SUMF1: variants seen among roughly 807,000 people sequenced by gnomAD.
SUMF1 encodes formylglycine-generating enzyme.
A neutral mutation model predicts 47.6 loss-of-function variants in SUMF1; 48 were observed. The ratio of observed to expected loss-of-function variants is 1.01; its 90% confidence interval spans 0.80 to 1.28. The LOEUF is 1.28. Ranked by LOEUF, SUMF1 falls within the 50% of genes most tolerant of loss-of-function variation. The pLI is 0.00. For missense variants in SUMF1, 571 were observed against 485.4 expected (o/e 1.18, Z -1.66); for synonymous variants, 230 against 192.1 (o/e 1.20, Z -1.63).
At chr3:4,195,186 A>G (rs1377208010) in intron 8 of SUMF1, among the ~76,000 whole-genome samples, 1 of 152,118 alleles carries the variant, frequency 6.6e-6, no homozygotes, top group African/African-American at 2.4e-5. Flanking sequence ...AATTTGAAAC[A>G]TATCATATTT....
chr3:4,173,286 A>T (rs1406290995), intron 8 of SUMF1, among the ~76,000 whole-genome samples: 1 of 152,168 alleles, frequency 6.6e-6, no homozygotes, highest in Non-Finnish European at 1.5e-5. Flanking sequence ...GTTTGAAGTC[A>T]CATCACAGGT....
At chr3:4,345,516 C>A (rs1045507428) in intron 8 of SUMF1, among the ~76,000 whole-genome samples, 1 of 152,176 alleles carries the variant, frequency 6.6e-6, no homozygotes, top group Admixed American at 6.5e-5. Context: ...GCCTGCCCTG[C>A]AAGAGCTCCT....
intron 1 of SUMF1, among the ~76,000 whole-genome samples, chr3:4,456,526 A>G (rs2079605107): frequency 6.9e-6 from 1 of 144,082 alleles, no homozygotes; most frequent in South Asian, 2.1e-4. Context: ...ATCTCGGCTC[A>G]CTGCAAACTC....
chr3:4,252,805 G>A (rs908439720), intron 8 of SUMF1, among the ~76,000 whole-genome samples: 2 of 152,100 alleles, frequency 1.3e-5, no homozygotes, highest in Non-Finnish European at 2.9e-5. Flanking sequence ...CAAATGGTCT[G>A]ACTCAGTGAA....
chr3:4,286,389 C>T (rs1231515715), intron 8 of SUMF1, among the ~76,000 whole-genome samples: 1 of 152,084 alleles, frequency 6.6e-6, no homozygotes, highest in Non-Finnish European at 1.5e-5. Context: ...TCTTCTAATA[C>T]AGCACAAAAG....
intron 8 of SUMF1, among the ~76,000 whole-genome samples, chr3:4,264,612 C>T (rs1348168279): frequency 1.3e-5 from 2 of 152,102 alleles, no homozygotes; most frequent in African/African-American, 4.8e-5. Context: ...TTTTAAAGTG[C>T]TTTTCTTCTG....
At chr3:4,466,006 C>T (rs1436168732) in intron 1 of SUMF1, among the ~76,000 whole-genome samples, 1 of 152,218 alleles carries the variant, frequency 6.6e-6, no homozygotes, top group Non-Finnish European at 1.5e-5. Flanking sequence ...AGAAGGAGCA[C>T]TAGTTTAGGA....
At chr3:4,303,675 C>T (rs1262004704) in intron 8 of SUMF1, 7 of 1,489,550 alleles carry the variant, frequency 4.7e-6, no homozygotes, top group Non-Finnish European at 5.4e-6. Context: ...GGTGTGCATG[C>T]CCCGGCCTGG....
intron 3 of SUMF1, among the ~76,000 whole-genome samples, chr3:4,433,109 T>C (rs1277310242): frequency 6.6e-6 from 1 of 152,186 alleles, no homozygotes; most frequent in African/African-American, 2.4e-5. Context: ...AAGCTAGACA[T>C]CCCTCAGCAT....
intron 8 of SUMF1, among the ~76,000 whole-genome samples, chr3:4,207,297 C>T (rs1230837869): frequency 6.6e-6 from 1 of 152,048 alleles, no homozygotes; most frequent in Non-Finnish European, 1.5e-5. Flanking sequence ...TACTTCTTAC[C>T]TTTCAATATG....
chr3:4,306,738 C>G (rs1051336859), intron 8 of SUMF1, among the ~76,000 whole-genome samples: 1 of 152,242 alleles, frequency 6.6e-6, no homozygotes, highest in Non-Finnish European at 1.5e-5. Context: ...CAAACCCTGC[C>G]TTCACAGGCA....
At chr3:4,194,837 T>C (rs1346636115) in intron 8 of SUMF1, among the ~76,000 whole-genome samples, 1 of 152,152 alleles carries the variant, frequency 6.6e-6, no homozygotes, top group African/African-American at 2.4e-5. Context: ...TTTCGAACAA[T>C]GTTATTTACT....
At chr3:4,160,297 T>C (rs1233559357) in intron 8 of SUMF1, among the ~76,000 whole-genome samples, 1 of 152,050 alleles carries the variant, frequency 6.6e-6, no homozygotes. Context: ...TGGGGTGCAG[T>C]GGTACAATCT....
chr3:4,402,640 T>C (rs770059369), intron 7 of SUMF1, among the ~76,000 whole-genome samples: 3 of 152,164 alleles, frequency 2.0e-5, no homozygotes, highest in Non-Finnish European at 4.4e-5. Context: ...CTGTTGGTGA[T>C]AATAAATTGG....
intron 3 of SUMF1, among the ~76,000 whole-genome samples, chr3:4,443,111 GTTAAAAA>G (rs1222215516): frequency 4.0e-5 from 6 of 151,744 alleles, no homozygotes; most frequent in Non-Finnish European, 8.8e-5. Context: ...CCCTGTCTCT[GTTAAAAA>G]ATACAAAACA....
intron 8 of SUMF1, among the ~76,000 whole-genome samples, chr3:4,088,848 G>T (rs1349735820): frequency 6.6e-6 from 1 of 152,106 alleles, no homozygotes; most frequent in Non-Finnish European, 1.5e-5. Flanking sequence ...ATTCCAGAGA[G>T]AGAGAAATGG....
chr3:4,330,406 A>G (rs925825434), intron 8 of SUMF1, among the ~76,000 whole-genome samples: 14 of 152,250 alleles, frequency 9.2e-5, no homozygotes, highest in Admixed American at 1.3e-4. Context: ...TGGCTGGGGA[A>G]GCCTCACAAT....
intron 8 of SUMF1, among the ~76,000 whole-genome samples, chr3:4,233,115 C>A (rs1696337737): frequency 1.3e-5 from 2 of 152,126 alleles, no homozygotes; most frequent in African/African-American, 4.8e-5. Context: ...ACTTAGGAAG[C>A]CTCATCCTCA....
intron 8 of SUMF1, among the ~76,000 whole-genome samples, chr3:4,124,867 A>G (rs1053199219): frequency 2.6e-5 from 4 of 151,986 alleles, no homozygotes; most frequent in African/African-American, 9.7e-5. Context: ...TATCTAATAT[A>G]CACTTATATA....
Sources: allele counts gnomAD v4.1 joint callset (sites outside exome capture counted in the v4.1 genomes callset), GRCh38; gene constraint gnomAD v4.1.1; transcripts MANE v1.5; gene names NCBI Gene and HGNC (gene_info 2026-07-23, HGNC 2026-07-21).